The following MEAF6 variants were observed in gnomAD, a reference collection of about 807,000 sequenced individuals.
MEAF6 encodes the protein MYST/Esa1 associated factor 6.
A neutral mutation model predicts 28.9 loss-of-function variants in MEAF6; 15 were observed. That is an observed-to-expected ratio of 0.52 (90% CI 0.35 to 0.80). MEAF6 has a LOEUF of 0.80. Ranked by LOEUF, MEAF6 falls within the 30% of genes least tolerant of loss-of-function variation. The pLI is 0.01. For missense variants in MEAF6, 178 were observed against 237.5 expected (o/e 0.75, Z 1.65); for synonymous variants, 97 against 88.7 (o/e 1.09, Z -0.53).
intron 1 of MEAF6, 59 bp downstream of exon 1, chr1:37,514,598 C>T: frequency 3.7e-6 from 5 of 1,357,486 alleles, no homozygotes; most frequent in African/African-American, 1.5e-5. Context: ...GGGCTTGGGG[C>T]CTGGAGGCGG....
intron 5 of MEAF6, among the ~76,000 whole-genome samples, chr1:37,498,407 TTTTTA>T (rs1205447627): frequency 1.0e-5 from 1 of 100,458 alleles, no homozygotes; most frequent in African/African-American, 3.3e-5. Context: ...GCTATGTTAT[TTTTTA>T]TTATTATTAT....
At chr1:37,511,455 C>G (rs1642668422) in intron 2 of MEAF6, among the ~76,000 whole-genome samples, 1 of 152,190 alleles carries the variant, frequency 6.6e-6, no homozygotes, top group South Asian at 2.1e-4. Flanking sequence ...TACTAAACAA[C>G]TGAATACAAA....
At chr1:37,514,345 ACT>A (rs1043031010) in intron 1 of MEAF6, 1 of 104,992 alleles carries the variant, frequency 9.5e-6, no homozygotes, top group African/African-American at 4.2e-5. Flanking sequence ...CCCGCGGCTC[ACT>A]GACGCTCGCC....
chr1:37,510,381 ATTTT>A (rs34785696), intron 2 of MEAF6, among the ~76,000 whole-genome samples: 49 of 95,018 alleles, frequency 5.2e-4, no homozygotes, highest in African/African-American at 2.0e-3. Context: ...GCACCTAGCC[ATTTT>A]TTTTTTTTTT....
intron 4 of MEAF6, among the ~76,000 whole-genome samples, chr1:37,506,200 G>A (rs1203467042): frequency 6.6e-6 from 1 of 152,154 alleles, no homozygotes; most frequent in Non-Finnish European, 1.5e-5. Flanking sequence ...GAACCCAGGA[G>A]GTGGAGGTTG....
Position 37,497,065 on chromosome 1 carries a change from T to A in MEAF6, c.534-1147A>T, listed in dbSNP as rs76286955. On this transcript the variant is annotated intron_variant, in intron 5 of 6. Coordinates refer to ENST00000296214, the MANE Select transcript of MEAF6 (RefSeq NM_001270875.3). Reference sequence around the variant, plus strand: ...GTATTGAAAAATATAATTAGGGCATTAGAAGAAACAGAGAAAGAAAGGTTT... The same window carrying A: ...GTATTGAAAAATATAATTAGGGCATAAGAAGAAACAGAGAAAGAAAGGTTT... 8.1e-3 allele frequency among the ~76,000 whole-genome samples: 1,227 copies of A among 152,250 alleles called. 9 individuals are homozygous for A. The highest frequency in any genetic ancestry group is 0.029 in the African/African-American group (1,188 of 41,548).
intron 6 of MEAF6, among the ~76,000 whole-genome samples, chr1:37,495,333 A>AAAAT (rs199695721): frequency 0.27 from 37,340 of 138,262 alleles, 5,333 homozygotes; most frequent in Admixed American, 0.35. Flanking sequence ...TCCGTCTCAA[A>AAAAT]AAATAAATAA....
chr1:37,509,777 CTTAT>C (rs1328536513), intron 2 of MEAF6, among the ~76,000 whole-genome samples: 7 of 151,942 alleles, frequency 4.6e-5, no homozygotes, highest in South Asian at 4.1e-4. Context: ...TATTTATTTA[CTTAT>C]TTATTTATTT....
intron 4 of MEAF6, among the ~76,000 whole-genome samples, chr1:37,505,838 A>G (rs1318449202): frequency 6.6e-6 from 1 of 152,258 alleles, no homozygotes; most frequent in Admixed American, 6.5e-5. Context: ...CAATGAAGAA[A>G]GAAAGTCTTT....
In MEAF6 at chr1:37,501,992, C is replaced by T. The variant is rs1397789013; in HGVS notation, c.345G>A (p.Glu115=). Residue 115 remains glutamate (E), a synonymous_variant, in exon 5 of 7, where the codon GAG becomes GAA. Coordinates refer to ENST00000296214, the MANE Select transcript of MEAF6 (RefSeq NM_001270875.3). The stretch of plus-strand genomic sequence containing the variant: ...TGTCACTTTCCGTCCCACTTCCTGG[C>T]TCCCCTGAAGGAAATAAAACACAAG... The part of the protein sequence containing the change: ...GVQDQLIEKR[E]PGSGTESDTS... The T allele has an allele frequency of 1.9e-6, 3 of 1,599,514 alleles. No individual in the cohort carries two copies. Among genetic ancestry groups the T allele is most frequent in the Admixed American group, 3.4e-5 (2 of 59,174 alleles).
In MEAF6 at chr1:37,506,662, T is replaced by TG. The variant is rs1306672144; in HGVS notation, c.340+2615dup. Among the ~76,000 whole-genome samples the TG allele has an allele frequency of 3.9e-5, 6 of 152,322 alleles. No homozygotes were observed. The East Asian group carries it at 1.2e-3, about 29-fold the overall frequency. On this transcript the variant is annotated intron_variant, in intron 4 of 6. Coordinates refer to ENST00000296214, the MANE Select transcript of MEAF6 (RefSeq NM_001270875.3). ...CCTCCCAAAGTGCTGGAATTTTAAG[T>TG]GTGAGCCATCTCGCCAGCCTTTTCA...
chr1:37,511,958 T>C (rs1397984783), intron 2 of MEAF6, among the ~76,000 whole-genome samples: 2 of 152,212 alleles, frequency 1.3e-5, no homozygotes, highest in African/African-American at 4.8e-5. Context: ...CAGTATTGAT[T>C]TTCTAGGTAT....
intron 5 of MEAF6, among the ~76,000 whole-genome samples, chr1:37,501,218 C>A (rs781392822): frequency 2.0e-5 from 3 of 152,164 alleles, no homozygotes; most frequent in Non-Finnish European, 2.9e-5. Context: ...CAATGTTACA[C>A]GTTACCTATG....
chr1:37,504,798 T>TACAC (rs1369558795), intron 4 of MEAF6, among the ~76,000 whole-genome samples: 109 of 110,584 alleles, frequency 9.9e-4, no homozygotes, highest in African/African-American at 2.4e-3. Context: ...AAAAAATTTA[T>TACAC]ATACACACAC....
intron 1 of MEAF6, chr1:37,513,798 G>C: frequency 3.7e-6 from 2 of 547,054 alleles, no homozygotes; most frequent in South Asian, 2.7e-5. Flanking sequence ...ATATACTTTA[G>C]AGGATTCACG....
rs998455350 is a variant in MEAF6 at position 37,491,380 on chromosome 1, C to G, written c.*2719G>C. Among the ~76,000 whole-genome samples the G allele has an allele frequency of 6.6e-6, 1 of 152,114 alleles. No homozygotes were observed. The highest frequency in any genetic ancestry group is 1.9e-4 in the East Asian group (1 of 5,188). On this transcript the variant is annotated 3_prime_UTR_variant, in exon 7 of 7. Coordinates refer to ENST00000296214, the MANE Select transcript of MEAF6 (RefSeq NM_001270875.3). ...CTTAGATGGGCATGGTGGTGCATGC[C>G]TGTAGTCCCAGCTACTGGGGAGGCT...
intron 6 of MEAF6, among the ~76,000 whole-genome samples, chr1:37,494,515 CAAAAAAAAA>C (rs35851858): frequency 1.6e-3 from 133 of 82,256 alleles, no homozygotes; most frequent in Non-Finnish European, 2.4e-3. Context: ...AACTCTGTTT[CAAAAAAAAA>C]AAAAAAAAAA....
At chr1:37,508,794 T>A (rs1237512121) in intron 4 of MEAF6, among the ~76,000 whole-genome samples, 1 of 152,144 alleles carries the variant, frequency 6.6e-6, no homozygotes, top group Non-Finnish European at 1.5e-5. Flanking sequence ...AATTTCTTCC[T>A]CAAAAGGAAA....
At chr1:37,511,338 C>A (rs1642664072) in intron 2 of MEAF6, among the ~76,000 whole-genome samples, 1 of 152,176 alleles carries the variant, frequency 6.6e-6, no homozygotes, top group African/African-American at 2.4e-5. Context: ...AAGGAAGACT[C>A]TTTTTCAGAA....
Sources: gnomAD v4.1 joint callset for allele counts (sites outside exome capture counted in the v4.1 genomes callset) on GRCh38, gnomAD v4.1.1 for gene constraint, MANE v1.5 for transcripts, NCBI Gene and HGNC (gene_info 2026-07-23, HGNC 2026-07-21) for gene names.